The following SORCS1 variants were observed in gnomAD, a reference collection of about 807,000 sequenced individuals.
SORCS1 encodes the protein VPS10 domain-containing receptor SorCS1.
Under a neutral mutation model 146.1 loss-of-function variants are expected in SORCS1, and 60 were observed. The observed-to-expected ratio is 0.41, with a 90% CI of 0.33 to 0.51. The LOEUF (loss-of-function observed/expected upper bound fraction) is 0.51. SORCS1 is among the 20% of genes least tolerant of loss of function. The probability of loss-of-function intolerance (pLI) is 0.21; values close to 1 mark genes in which losing one functional copy is unlikely to be tolerated. For missense variants in SORCS1, 1,352 were observed against 1,487.6 expected (o/e 0.91, Z 1.50); for synonymous variants, 637 against 584.0 (o/e 1.09, Z -1.31).
Position 106,687,351 on chromosome 10 carries a change from T to C in SORCS1, c.1560+841A>G, listed in dbSNP as rs78573225. ...ATAAATAAATTCATACTAATCTATATACTGCCCAAATGTAAGGCAACTAAA... is the reference window on the plus strand; with the variant it reads ...ATAAATAAATTCATACTAATCTATACACTGCCCAAATGTAAGGCAACTAAA... On this transcript the variant is annotated intron_variant, in intron 10 of 25. Transcript: ENST00000263054. 3.6e-3 allele frequency among the ~76,000 whole-genome samples: 555 copies of C among 152,290 alleles called. 6 individuals carry two copies. Among genetic ancestry groups the C allele is most frequent in the Middle Eastern group, 0.024 (7 of 294 alleles).
Position 106,599,850 on chromosome 10 carries a change from C to T in SORCS1, c.3166-2400G>A, listed in dbSNP as rs1019843037. Among the ~76,000 whole-genome samples the T allele has an allele frequency of 1.1e-4, 16 of 151,924 alleles. No homozygotes were observed. The South Asian group carries it at 2.1e-3, about 20-fold the overall frequency. The stretch of plus-strand genomic sequence containing the variant: ...GCAATGGCGCGATCTCGGCTCACTG[C>T]AACCTCCGCCTCCCTGATTCAAGTG... On this transcript the variant is annotated intron_variant, in intron 23 of 25. Transcript: ENST00000263054.
chr10:107,010,404 A>G (rs901139930), intron 1 of SORCS1, among the ~76,000 whole-genome samples: 21 of 149,788 alleles, frequency 1.4e-4, no homozygotes, highest in African/African-American at 5.0e-4. Flanking sequence ...GTTGAGGCCT[A>G]GTTACTTGCT....
intron 2 of SORCS1, among the ~76,000 whole-genome samples, chr10:106,845,032 C>T (rs2137194500): frequency 7.9e-6 from 1 of 126,478 alleles, no homozygotes; most frequent in African/African-American, 2.7e-5. Context: ...AATAATGCCG[C>T]AATAAACATA....
At chr10:106,989,680 G>GTTTTTTTTTTTTTTTT (rs761689988) in intron 1 of SORCS1, among the ~76,000 whole-genome samples, 4 of 70,358 alleles carry the variant, frequency 5.7e-5, no homozygotes, top group African/African-American at 1.6e-4. Context: ...GTTTTTTTTT[G>GTTTTTTTTTTTTTTTT]TTTTTTTTTT....
intron 1 of SORCS1, among the ~76,000 whole-genome samples, chr10:106,985,320 CAAGTTG>C (rs1771050980): frequency 6.6e-6 from 1 of 151,860 alleles, no homozygotes; most frequent in African/African-American, 2.4e-5. Context: ...CGTTATAAAC[CAAGTTG>C]AAGTTGATTT....
rs1969958124 is a variant in SORCS1, at chr10:107,164,459, A to C, written c.68T>G (p.Leu23Arg). 1 of 1,372,520 alleles carries C rather than the reference A, an allele frequency of 7.3e-7. No individual in the cohort carries two copies. The allele number at this position is 1,372,520 out of a possible 1,614,324, so 85.0% of individuals were successfully genotyped here. The change falls in exon 1 of 26, where the codon CTC becomes CGC. Residue 23 changes from leucine to arginine, a missense_variant. Leu to Arg is a moderately radical substitution (Grantham distance 102). This residue lies in a region of SORCS1 where 490 missense variants were observed against 489.1 expected (regional missense o/e 1.00). Transcript: ENST00000263054. This position sits in a 1 kb window ranked among gnomAD's most constrained non-coding sequence, Gnocchi z 6.8. ...RLSALLAGAG[L>R]LILCAPGVCG... ...GACGCCCGGGGCGCAGAGGATCAAGAGCCCCGCGCCGGCGAGGAGCGCGCT... is the reference window on the plus strand; with the variant it reads ...GACGCCCGGGGCGCAGAGGATCAAGCGCCCCGCGCCGGCGAGGAGCGCGCT...
At chr10:107,018,586 T>C (rs1378572464) in intron 1 of SORCS1, among the ~76,000 whole-genome samples, 2 of 152,110 alleles carry the variant, frequency 1.3e-5, no homozygotes, top group Non-Finnish European at 2.9e-5. Context: ...ATAAAACTTA[T>C]ATTAAGCTTG....
chr10:106,728,479 G>A (rs897345235), intron 6 of SORCS1, among the ~76,000 whole-genome samples: 4 of 152,140 alleles, frequency 2.6e-5, no homozygotes, highest in African/African-American at 7.2e-5. Context: ...TGTTACATGT[G>A]GCAGCTTTGC....
chr10:106,945,089 T>C (rs908545175), intron 2 of SORCS1, among the ~76,000 whole-genome samples: 3 of 151,836 alleles, frequency 2.0e-5, no homozygotes, highest in Non-Finnish European at 4.4e-5. Context: ...GGTTTCACCA[T>C]GTTGGCCAGG....
intron 5 of SORCS1, among the ~76,000 whole-genome samples, chr10:106,756,094 A>T (rs1858616735): frequency 6.6e-6 from 1 of 151,952 alleles, no homozygotes; most frequent in South Asian, 2.1e-4. Context: ...GCACCACTGC[A>T]CTCCAGCCTG....
intron 2 of SORCS1, among the ~76,000 whole-genome samples, chr10:106,852,659 A>G (rs1025735059): frequency 6.6e-6 from 1 of 151,668 alleles, no homozygotes; most frequent in African/African-American, 2.4e-5. Context: ...AAAGAAAAGA[A>G]AAAGAAATTT....
At chr10:106,656,207 C>G in intron 17 of SORCS1, among the ~76,000 whole-genome samples, 1 of 152,040 alleles carries the variant, frequency 6.6e-6, no homozygotes, top group South Asian at 2.1e-4. Flanking sequence ...TCCTTTTTGC[C>G]CCTACCCTCT....
chr10:106,607,592 G>A (rs960925370), intron 22 of SORCS1, among the ~76,000 whole-genome samples: 1 of 152,236 alleles, frequency 6.6e-6, no homozygotes, highest in Admixed American at 6.5e-5. Context: ...GACAGTTGCA[G>A]TACTTGCCTT....
rs535480951 is a variant in SORCS1 at position 107,129,827 on chromosome 10, T to C, written c.558+34142A>G. On this transcript the variant is annotated intron_variant, in intron 1 of 25. Coordinates refer to ENST00000263054, the MANE Select transcript of SORCS1 (RefSeq NM_052918.5). ...TTAGTTACCCCATCACTCACTCTAT[T>C]GCTATTGCTGGATTCTGTGTGAGAG... Among the ~76,000 whole-genome samples the C allele has an allele frequency of 2.3e-4, 35 of 152,360 alleles. No homozygotes were observed. The South Asian group carries it at 7.2e-3, about 32-fold the overall frequency.
intron 17 of SORCS1, among the ~76,000 whole-genome samples, chr10:106,658,009 G>A (rs529253804): frequency 6.6e-6 from 1 of 152,186 alleles, no homozygotes; most frequent in East Asian, 1.9e-4. Flanking sequence ...AACTTGCTAT[G>A]ATATTTCAAG....
chr10:106,822,108 A>T (rs1178083605), intron 3 of SORCS1, among the ~76,000 whole-genome samples: 1 of 145,098 alleles, frequency 6.9e-6, no homozygotes, highest in Non-Finnish European at 1.6e-5. Context: ...TAATTAATTT[A>T]TTTTTTACTA....
At chr10:106,709,391 G>C in intron 6 of SORCS1, 50 bp from the exon 7 acceptor site, 2 of 1,094,722 alleles carry the variant, frequency 1.8e-6, no homozygotes, top group Non-Finnish European at 1.4e-6. Context: ...GGGATATACA[G>C]ACAGAGATTT....
intron 1 of SORCS1, among the ~76,000 whole-genome samples, chr10:107,008,567 G>A (rs1957550912): frequency 6.6e-6 from 1 of 152,180 alleles, no homozygotes; most frequent in South Asian, 2.1e-4. Flanking sequence ...AATAGGTTGT[G>A]TTAAACGGTA....
upstream of SORCS1, among the ~76,000 whole-genome samples, chr10:107,168,759 C>G (rs1046591843): frequency 9.4e-5 from 14 of 148,586 alleles, no homozygotes; most frequent in African/African-American, 3.5e-4. Context: ...ACTAGGGTCA[C>G]ACAGCAATTA....
Sources: allele counts gnomAD v4.1 joint callset (sites outside exome capture counted in the v4.1 genomes callset), GRCh38; gene constraint gnomAD v4.1.1; regional missense constraint gnomAD v4.1.1; non-coding constraint Gnocchi (gnomAD v3.1); transcripts MANE v1.5; gene names NCBI Gene and HGNC (gene_info 2026-07-23, HGNC 2026-07-21).